Variants in MORN4 observed in about 807,000 individuals in gnomAD.
The protein encoded by MORN4 is MORN repeat-containing protein 4.
MORN4 carries 8 observed loss-of-function variants against 16.4 expected under a neutral mutation model. The ratio of observed to expected loss-of-function variants is 0.49; its 90% CI spans 0.29 to 0.88. MORN4 has a LOEUF of 0.88. Ranked by LOEUF, MORN4 falls within the 40% of genes least tolerant of loss-of-function variation. The pLI, the probability that MORN4 is intolerant of heterozygous loss-of-function variation, is 0.09. For synonymous variants in MORN4, 53 were observed against 68.9 expected (o/e 0.77, Z 1.14); for missense variants, 159 against 182.9 (o/e 0.87, Z 0.75).
At chr10:97,619,535 C>T (rs1426490033) in intron 2 of MORN4, 52 bp downstream of exon 2, 1 of 1,336,464 alleles carries the variant, frequency 7.5e-7, no homozygotes, top group Non-Finnish European at 1.1e-6. Context: ...ATGTATTTGT[C>T]CTCCAGCAAA....
intron 1 of MORN4, among the ~76,000 whole-genome samples, chr10:97,628,163 A>C (rs2041363613): frequency 6.6e-6 from 1 of 152,228 alleles, no homozygotes. Flanking sequence ...TGTATCTTCC[A>C]CTAAATCTTA....
At position 97,619,604 on chromosome 10, in the gene MORN4, C is replaced by T. The variant is rs375012522; in HGVS notation, c.50G>A (p.Arg17His). Residue 17 changes from arginine to histidine, a missense_variant, in exon 2 of 5, where the codon CGT (arginine) becomes CAT (histidine). Coordinates refer to ENST00000307450, the MANE Select transcript of MORN4 (RefSeq NM_178832.4). Reference protein sequence around the residue: ...SFTYSSGEEYRGEWKEGRRHG... With the variant: ...SFTYSSGEEYHGEWKEGRRHG... ...CTTCTCACCCTCCTTCCACTCGCCA[C>T]GATATTCCTCCCCACTGGAGTAGGT... The T allele has an allele frequency of 9.0e-5, 145 of 1,613,634 alleles. 2 individuals carry two copies. In the South Asian group the frequency reaches 1.0e-3, roughly 11 times the overall value.
chr10:97,629,044 C>A (rs1308558659), intron 1 of MORN4, among the ~76,000 whole-genome samples: 1 of 152,154 alleles, frequency 6.6e-6, no homozygotes, highest in Non-Finnish European at 1.5e-5. Flanking sequence ...CCTCCCCTCC[C>A]TTGAATCTGA....
At chr10:97,627,207 G>A (rs1359810114) in intron 1 of MORN4, among the ~76,000 whole-genome samples, 3 of 151,394 alleles carry the variant, frequency 2.0e-5, no homozygotes, top group Non-Finnish European at 4.4e-5. Flanking sequence ...GCAGTGGCTC[G>A]ATCTCAGCTC....
At chr10:97,628,906 GA>G (rs1417350802) in intron 1 of MORN4, among the ~76,000 whole-genome samples, 2 of 152,186 alleles carry the variant, frequency 1.3e-5, no homozygotes, top group African/African-American at 4.8e-5. Context: ...CAATGAAACT[GA>G]AAAGGTTACC....
chr10:97,622,578 C>T (rs2041308944), intron 1 of MORN4, among the ~76,000 whole-genome samples: 1 of 151,000 alleles, frequency 6.6e-6, no homozygotes, highest in Non-Finnish European at 1.5e-5. Flanking sequence ...TCCTGTAGTC[C>T]CAGCTACTTG....
chr10:97,622,846 C>T (rs1467619074), intron 1 of MORN4, among the ~76,000 whole-genome samples: 3 of 146,064 alleles, frequency 2.1e-5, no homozygotes, highest in East Asian at 2.0e-4. Flanking sequence ...CTTCATTCAT[C>T]CCTTCATCTT....
rs192985003 is a variant in MORN4, at chr10:97,626,655, C to A, written c.-31+6692G>T. Among the ~76,000 whole-genome samples the A allele has an allele frequency of 2.0e-5, 3 of 151,778 alleles. No homozygotes were observed. In the East Asian group the frequency reaches 5.9e-4, roughly 30 times the overall value. ...ATTTTTAGTAGAGACAGGGCTTCAC[C>A]ATGTTGGTCAGGCTGGTCTCGAACT... On this transcript the variant is annotated intron_variant, in intron 1 of 4. Transcript: ENST00000307450.
chr10:97,628,192 A>G (rs929517598), intron 1 of MORN4, among the ~76,000 whole-genome samples: 1 of 152,238 alleles, frequency 6.6e-6, no homozygotes, highest in African/African-American at 2.4e-5. Flanking sequence ...CAACCATTCC[A>G]AAACCTAAAC....
At chr10:97,618,581 G>T (rs997410385) in intron 2 of MORN4, among the ~76,000 whole-genome samples, 1 of 151,998 alleles carries the variant, frequency 6.6e-6, no homozygotes, top group Non-Finnish European at 1.5e-5. Flanking sequence ...ACTTCCTGAG[G>T]CTCTGCTGGG....
At chr10:97,617,681 G>A (rs561882679) in intron 2 of MORN4, among the ~76,000 whole-genome samples, 6 of 152,202 alleles carry the variant, frequency 3.9e-5, no homozygotes, top group African/African-American at 1.4e-4. Flanking sequence ...CCAACATGGT[G>A]AAACCCCATC....
In MORN4 at chr10:97,616,867, G is replaced by T. The variant is rs2041241068; in HGVS notation, c.183-80C>A. On this transcript the variant is annotated intron_variant, in intron 3 of 4. Transcript: ENST00000307450. ...CGGAGTCGAGCAGCTGCTGATCTCTGTTATTTAATGATGCTAAGGAGCAAG... is the reference window on the plus strand; with the variant it reads ...CGGAGTCGAGCAGCTGCTGATCTCTTTTATTTAATGATGCTAAGGAGCAAG... 3.1e-6 allele frequency: 3 copies of T among 979,606 alleles called. No individual in the cohort carries two copies. The Admixed American group carries it at 5.2e-5, about 17-fold the overall frequency. The allele number at this position is 979,606 out of a possible 1,614,324, so 60.7% of individuals were successfully genotyped here.
At chr10:97,629,987 C>T (rs570791388) in intron 1 of MORN4, among the ~76,000 whole-genome samples, 27 of 145,276 alleles carry the variant, frequency 1.9e-4, no homozygotes, top group African/African-American at 6.2e-4. Context: ...TTCAGTGGCA[C>T]GATCTCAGCT....
chr10:97,619,315 C>A, intron 2 of MORN4: 1 of 565,066 alleles, frequency 1.8e-6, no homozygotes, highest in Non-Finnish European at 3.2e-6. Flanking sequence ...ACATAGTGAG[C>A]GAGACCTCAT....
chr10:97,620,759 C>T (rs2041283629), intron 1 of MORN4, among the ~76,000 whole-genome samples: 1 of 151,964 alleles, frequency 6.6e-6, no homozygotes, highest in Non-Finnish European at 1.5e-5. Context: ...GGGAGGATCA[C>T]TTGAGCCCAG....
chr10:97,618,156 C>A (rs2041254429), intron 2 of MORN4, among the ~76,000 whole-genome samples: 1 of 151,078 alleles, frequency 6.6e-6, no homozygotes, highest in Non-Finnish European at 1.5e-5. Flanking sequence ...CCAGCTCGGG[C>A]AACAAGAGCA....
intron 1 of MORN4, among the ~76,000 whole-genome samples, chr10:97,620,529 G>A (rs1379436487): frequency 8.7e-5 from 13 of 148,604 alleles, no homozygotes; most frequent in African/African-American, 3.3e-4. Flanking sequence ...GAAAATATGG[G>A]GAACCAACAC....
chr10:97,630,315 C>A (rs990937536), intron 1 of MORN4, among the ~76,000 whole-genome samples: 1 of 152,306 alleles, frequency 6.6e-6, no homozygotes, highest in East Asian at 1.9e-4. Context: ...GATCCGCCCT[C>A]CTCAACCTCC....
At chr10:97,616,825 T>G in intron 3 of MORN4, 38 bp from the exon 4 acceptor site, 1 of 1,437,716 alleles carries the variant, frequency 7.0e-7, no homozygotes, top group Non-Finnish European at 9.8e-7. Context: ...CAGTGGAAAG[T>G]TAGCTGTCCA....
Sources: gnomAD v4.1 joint callset for allele counts (sites outside exome capture counted in the v4.1 genomes callset) on GRCh38, gnomAD v4.1.1 for gene constraint, MANE v1.5 for transcripts, NCBI Gene and HGNC (gene_info 2026-07-23, HGNC 2026-07-21) for gene names.